Variants in TRPM8 observed in about 807,000 individuals in gnomAD.
The protein encoded by TRPM8 is transient receptor potential cation channel subfamily M member 8.
Under a neutral mutation model 133.7 loss-of-function variants are expected in TRPM8, and 110 were observed. The observed-to-expected ratio is 0.82, with a 90% CI of 0.70 to 0.96. The LOEUF (loss-of-function observed/expected upper bound fraction) is 0.96, where lower values mean the gene tolerates loss of function less well. Among genes scored for constraint, TRPM8 ranks in the 40% least tolerant of loss-of-function variants. TRPM8 has a pLI of 0.00. For synonymous variants in TRPM8, 535 were observed against 532.3 expected, an observed-to-expected ratio of 1.01 and a Z score of -0.07; for missense variants, 1,291 against 1,379.5, an observed-to-expected ratio of 0.94 and a Z score of 1.02.
At chr2:234,009,622 A>G (rs1322380347) in intron 24 of TRPM8, among the ~76,000 whole-genome samples, 1 of 152,074 alleles carries the variant, frequency 6.6e-6, no homozygotes, top group African/African-American at 2.4e-5. Flanking sequence ...ATCACTCAGG[A>G]GGTCCCACCG....
At chr2:233,924,566 G>C (rs752994146) in intron 1 of TRPM8, among the ~76,000 whole-genome samples, 8 of 152,174 alleles carry the variant, frequency 5.3e-5, no homozygotes, top group Non-Finnish European at 1.0e-4. Context: ...CCAAGACCCA[G>C]TCAACCAACT....
At chr2:233,967,690 G>A (rs1014480101) in intron 15 of TRPM8, among the ~76,000 whole-genome samples, 2 of 152,220 alleles carry the variant, frequency 1.3e-5, no homozygotes, top group African/African-American at 4.8e-5. Context: ...TAGACTAAAT[G>A]AGAGCATTGA....
At position 233,950,151 on chromosome 2, in the gene TRPM8, G is replaced by C. The variant is rs768274613; in HGVS notation, c.1140+5G>C. 5 of 1,611,470 alleles carry C rather than the reference G, an allele frequency of 3.1e-6. No individual in the cohort carries two copies. The Admixed American group carries it at 8.3e-5, about 27-fold the overall frequency. ...ACTGAGAGTTGGATCAAATGGGTAA[G>C]TTGTCGGGACCATGTCTGAGGGCTG... is the stretch of plus-strand genomic sequence containing the variant. On this transcript the variant is annotated splice_donor_5th_base_variant and intron_variant, in intron 9 of 25. Coordinates refer to ENST00000324695, the MANE Select transcript of TRPM8 (RefSeq NM_024080.5).
intron 7 of TRPM8, 79 bp from the exon 8 acceptor site, chr2:233,947,009 C>T (rs1189013560): frequency 3.8e-6 from 5 of 1,323,240 alleles, no homozygotes; most frequent in African/African-American, 1.4e-5. Flanking sequence ...AGGGCAGAAG[C>T]TCTTGGTCCA....
At chr2:233,969,044 C>A (rs1188062496) in intron 15 of TRPM8, among the ~76,000 whole-genome samples, 1 of 152,004 alleles carries the variant, frequency 6.6e-6, no homozygotes, top group African/African-American at 2.4e-5. Flanking sequence ...TCATTGAAGA[C>A]AAAGGAGCCA....
At chr2:233,920,855 A>ATT (rs10685994) in intron 1 of TRPM8, among the ~76,000 whole-genome samples, 5,210 of 129,224 alleles carry the variant, frequency 0.04, 395 homozygotes, top group African/African-American at 0.14. Context: ...AGATTTCACC[A>ATT]TTTTTTTTTT....
intron 24 of TRPM8, among the ~76,000 whole-genome samples, chr2:234,009,310 C>G (rs1441586450): frequency 6.6e-6 from 1 of 152,058 alleles, no homozygotes; most frequent in Non-Finnish European, 1.5e-5. Context: ...GTTTTTTACT[C>G]GAGTTTATTT....
rs542133946 is a variant in TRPM8 at position 234,017,867 on chromosome 2, C to T, written c.*611C>T. The stretch of plus-strand genomic sequence containing the variant: ...AGGTGACAAGGCAGTCTCTTGCTCT[C>T]TTGGACTCACCAGGCTCCTATTGAA... On this transcript the variant is annotated 3_prime_UTR_variant, in exon 26 of 26. Coordinates refer to ENST00000324695, the MANE Select transcript of TRPM8 (RefSeq NM_024080.5). 6.5e-6 allele frequency: 1 copy of T among 152,796 alleles called. No individual in the cohort carries two copies. The highest frequency in any genetic ancestry group is 1.5e-5 in the Non-Finnish European group (1 of 68,454). The allele number at this position is 152,796 out of a possible 1,614,324, so 9.5% of individuals were successfully genotyped here.
At position 234,001,640 on chromosome 2, in the gene TRPM8, T is replaced by A. The variant is rs143279700; in HGVS notation, c.3130+5124T>A. On this transcript the variant is annotated intron_variant, in intron 22 of 25. Transcript: ENST00000324695. ...GTGCATAGGCAAGAAAAGCACAGCA[T>A]GAAAAGGAGCACCCCCCCTTAGCAC... is the stretch of plus-strand genomic sequence containing the variant. Among the ~76,000 whole-genome samples the A allele has an allele frequency of 1.0e-3, 155 of 151,922 alleles. 1 individual carries two copies. Among genetic ancestry groups the A allele is most frequent in the African/African-American group, 3.4e-3 (143 of 41,534 alleles).
intron 3 of TRPM8, among the ~76,000 whole-genome samples, chr2:233,933,326 G>A (rs908633828): frequency 1.3e-5 from 2 of 152,176 alleles, no homozygotes; most frequent in East Asian, 1.9e-4. Flanking sequence ...CTAGGACAAC[G>A]AAGGAATGTT....
intron 25 of TRPM8, among the ~76,000 whole-genome samples, chr2:234,015,929 A>G (rs1183676546): frequency 1.3e-5 from 2 of 152,260 alleles, no homozygotes; most frequent in Admixed American, 6.5e-5. Context: ...AACAGATAGA[A>G]CAACTAAAAT....
rs1691597514 is a variant in TRPM8, at chr2:233,927,946, CTCTCTCTCTCTCTCTTTCTT to C, written c.117+1296_117+1315del. Among the ~76,000 whole-genome samples the C allele has an allele frequency of 6.4e-5, 5 of 77,886 alleles. 2 individuals are homozygous for C. The highest frequency in any genetic ancestry group is 4.2e-4 in the African/African-American group (5 of 11,820). 51.1% of individuals were successfully genotyped at this position (77,886 alleles called of 152,430 possible). On this transcript the variant is annotated intron_variant, in intron 2 of 25. Coordinates refer to ENST00000324695, the MANE Select transcript of TRPM8 (RefSeq NM_024080.5). ...TCTTTCTCTCTCTCTCTCTCTCTCT[CTCTCTCTCTCTCTCTTTCTT>C]TCTTTCTTTCTTTTTTTTTTTGAGA...
intron 21 of TRPM8, among the ~76,000 whole-genome samples, chr2:233,991,764 G>A (rs146061753): frequency 1.2e-3 from 175 of 152,140 alleles, no homozygotes; most frequent in Non-Finnish European, 1.8e-3. Context: ...TCTTTTAGGC[G>A]TTCTAACATC....
chr2:234,002,488 G>A (rs902413130), intron 22 of TRPM8, among the ~76,000 whole-genome samples: 1 of 152,152 alleles, frequency 6.6e-6, no homozygotes, highest in Non-Finnish European at 1.5e-5. Flanking sequence ...TTTGATGACT[G>A]GACTTGTTTC....
chr2:234,015,884 T>G (rs1692945070), intron 25 of TRPM8, among the ~76,000 whole-genome samples: 1 of 152,262 alleles, frequency 6.6e-6, no homozygotes, highest in Admixed American at 6.5e-5. Context: ...CCATCTTGTT[T>G]AGTTTATCTG....
chr2:233,926,532 GA>G lies in TRPM8; in HGVS notation c.-2del. The G allele has an allele frequency of 3.7e-6, 6 of 1,613,038 alleles. 1 individual carries two copies. In the South Asian group the frequency reaches 6.6e-5, roughly 18 times the overall value. ...CTTATCCCCTCCAACCATCGTCACAGAAAAGATGTCCTTTCGGGCAGCCAGG... is the reference window on the plus strand; with the variant it reads ...CTTATCCCCTCCAACCATCGTCACAGAAAGATGTCCTTTCGGGCAGCCAGG... On this transcript the variant is annotated splice_region_variant and 5_prime_UTR_variant, in exon 2 of 26. Coordinates refer to ENST00000324695, the MANE Select transcript of TRPM8 (RefSeq NM_024080.5).
At chr2:233,935,734 T>C (rs1690717096) in intron 3 of TRPM8, among the ~76,000 whole-genome samples, 1 of 152,118 alleles carries the variant, frequency 6.6e-6, no homozygotes, top group Non-Finnish European at 1.5e-5. Context: ...TGCCCTAAGA[T>C]TGGTCAGAGA....
intron 22 of TRPM8, 138 bp downstream of exon 22, chr2:233,996,654 G>A: frequency 1.2e-6 from 1 of 805,232 alleles, no homozygotes; most frequent in Non-Finnish European, 2.0e-6. Flanking sequence ...TAAAGATCAG[G>A]CCTCAGGCCA....
intron 14 of TRPM8, among the ~76,000 whole-genome samples, chr2:233,965,586 C>T (rs762971109): frequency 2.0e-5 from 3 of 152,150 alleles, no homozygotes; most frequent in Non-Finnish European, 4.4e-5. Flanking sequence ...TTTAAGTTTG[C>T]AACGAGGTAT....
Sources: allele counts gnomAD v4.1 joint callset (sites outside exome capture counted in the v4.1 genomes callset), GRCh38; gene constraint gnomAD v4.1.1; transcripts MANE v1.5; gene names NCBI Gene and HGNC (gene_info 2026-07-23, HGNC 2026-07-21).